Variants in PACRG observed in about 807,000 individuals in gnomAD.
PACRG encodes parkin coregulated gene protein.
A neutral mutation model predicts 29.7 loss-of-function variants in PACRG; 29 were observed. The observed-to-expected ratio is 0.98, with a 90% CI of 0.73 to 1.33. PACRG has a LOEUF of 1.33. Among genes scored for constraint, PACRG ranks in the 40% most tolerant of loss-of-function variants. The pLI is 0.00. For missense variants in PACRG, 279 were observed against 316.2 expected (o/e 0.88, Z 0.89); for synonymous variants, 116 against 118.7 (o/e 0.98, Z 0.15).
At chr6:163,076,562 T>C (rs149773716) in intron 3 of PACRG, among the ~76,000 whole-genome samples, 2 of 152,354 alleles carry the variant, frequency 1.3e-5, no homozygotes, top group East Asian at 3.9e-4. Context: ...TTAAATTCTT[T>C]GGCATGGCTT....
At chr6:162,763,108 A>G (rs1782504124) in intron 1 of PACRG, among the ~76,000 whole-genome samples, 1 of 152,240 alleles carries the variant, frequency 6.6e-6, no homozygotes, top group Admixed American at 6.5e-5. Context: ...TTTCAAATTT[A>G]CAATATCCAT....
At chr6:163,191,690 A>G (rs1017556493) in intron 4 of PACRG, 6 of 456,138 alleles carry the variant, frequency 1.3e-5, no homozygotes, top group African/African-American at 1.2e-4. Context: ...ATCTGTGCCT[A>G]TGCTCTTCCT....
intron 2 of PACRG, among the ~76,000 whole-genome samples, chr6:163,001,026 C>T (rs536411920): frequency 5.1e-4 from 77 of 152,196 alleles, no homozygotes; most frequent in Middle Eastern, 3.4e-3. Flanking sequence ...CCGGGAAGGC[C>T]GAAAGAGCCC....
At chr6:163,138,736 G>A (rs1817037639) in intron 4 of PACRG, among the ~76,000 whole-genome samples, 1 of 152,192 alleles carries the variant, frequency 6.6e-6, no homozygotes, top group Non-Finnish European at 1.5e-5. Context: ...CCTGGGGGTT[G>A]GAGACCCTGC....
In PACRG at chr6:163,269,918, GAAAGAAAGAAAACAA is replaced by G. The variant is rs1562349804; in HGVS notation, c.614-44907_614-44893del. 3.1e-5 allele frequency among the ~76,000 whole-genome samples: 2 copies of G among 64,280 alleles called. 1 individual carries two copies. The highest frequency in any genetic ancestry group is 1.7e-4 in the African/African-American group (2 of 11,438). The allele number at this position is 64,280 out of a possible 152,430, so 42.2% of individuals were successfully genotyped here. A position where few individuals can be genotyped will look rare whatever the true frequency, so the allele number is the denominator to read the frequency against. Reference sequence around the variant, plus strand: ...ACAAAGAAAGAAAGAAAGAAAGAAAGAAAGAAAGAAAACAAAGAAAGAAAGAAAGAAAGAAAGAAA... The same window carrying G: ...ACAAAGAAAGAAAGAAAGAAAGAAAGAGAAAGAAAGAAAGAAAGAAAGAAA... On this transcript the variant is annotated intron_variant, in intron 4 of 4. Transcript: ENST00000366888.
chr6:162,868,644 G>C (rs539387599), intron 2 of PACRG, among the ~76,000 whole-genome samples: 3 of 152,032 alleles, frequency 2.0e-5, no homozygotes, highest in Non-Finnish European at 4.4e-5. Flanking sequence ...GGGCGCACCC[G>C]AGCCGCCAGA....
At chr6:163,068,482 C>T (rs1744484133) in intron 3 of PACRG, among the ~76,000 whole-genome samples, 2 of 132,794 alleles carry the variant, frequency 1.5e-5, no homozygotes. Flanking sequence ...TACTTTAATG[C>T]TTTTTTTTTT....
At chr6:163,078,454 A>G (rs1812749382) in intron 3 of PACRG, among the ~76,000 whole-genome samples, 1 of 148,298 alleles carries the variant, frequency 6.7e-6, no homozygotes, top group South Asian at 2.4e-4. Flanking sequence ...AGTGAGCTGC[A>G]CTGCGCTCCA....
At chr6:162,837,529 T>A (rs1275482645) in intron 2 of PACRG, among the ~76,000 whole-genome samples, 2 of 152,182 alleles carry the variant, frequency 1.3e-5, no homozygotes, top group East Asian at 3.8e-4. Context: ...CTATTTCTTT[T>A]AAGCAAGAGC....
intron 2 of PACRG, among the ~76,000 whole-genome samples, chr6:162,906,107 GTCT>G: frequency 6.6e-6 from 1 of 152,222 alleles, no homozygotes; most frequent in East Asian, 1.9e-4. Context: ...TTTTACTATT[GTCT>G]TCTTCATGGA....
intron 3 of PACRG, among the ~76,000 whole-genome samples, chr6:163,080,737 A>G (rs1366160505): frequency 6.6e-6 from 1 of 152,232 alleles, no homozygotes; most frequent in Admixed American, 6.5e-5. Flanking sequence ...TCTATTGAAA[A>G]ATTGAAAAAG....
At chr6:163,085,481 A>C (rs1346270403) in intron 3 of PACRG, among the ~76,000 whole-genome samples, 1 of 152,100 alleles carries the variant, frequency 6.6e-6, no homozygotes, top group African/African-American at 2.4e-5. Context: ...TTTTGTATGC[A>C]CCTCCATACT....
At chr6:162,929,342 C>T (rs1797679178) in intron 2 of PACRG, among the ~76,000 whole-genome samples, 1 of 151,876 alleles carries the variant, frequency 6.6e-6, no homozygotes, top group African/African-American at 2.4e-5. Context: ...TTTGAATTTG[C>T]ATTTCTCTGA....
intron 4 of PACRG, among the ~76,000 whole-genome samples, chr6:163,311,596 G>T (rs900913438): frequency 6.6e-5 from 10 of 152,180 alleles, no homozygotes; most frequent in African/African-American, 2.4e-4. Context: ...ACCCCAAACC[G>T]TGCAGGGTCA....
chr6:162,853,052 G>T lies in PACRG; in HGVS notation c.291+38771G>T, dbSNP rs1791062430. 6.6e-6 allele frequency among the ~76,000 whole-genome samples: 1 copy of T among 152,216 alleles called. No homozygotes were observed. ...GCCTTGCAGCCAGAGACAGTGAACTGTCAGGTTTGGGATGGATGAGAGATT... is the reference window on the plus strand; with the variant it reads ...GCCTTGCAGCCAGAGACAGTGAACTTTCAGGTTTGGGATGGATGAGAGATT... On this transcript the variant is annotated intron_variant, in intron 2 of 4. Transcript: ENST00000366888. The surrounding 1 kb of genome is among the most constrained non-coding windows in gnomAD (Gnocchi z 4.7).
chr6:163,052,005 C>T (rs1810064221), intron 2 of PACRG: 1 of 152,208 alleles, frequency 6.6e-6, no homozygotes, highest in South Asian at 2.1e-4. Context: ...TGCTATATTA[C>T]ATGATTTTAG....
At chr6:163,254,908 T>A (rs1437597789) in intron 4 of PACRG, among the ~76,000 whole-genome samples, 5 of 152,256 alleles carry the variant, frequency 3.3e-5, no homozygotes, top group Non-Finnish European at 5.9e-5. Context: ...CTTTTCCTGG[T>A]GCCTCCTCAG....
chr6:163,111,682 C>T (rs1222422655), intron 4 of PACRG, among the ~76,000 whole-genome samples: 2 of 152,132 alleles, frequency 1.3e-5, no homozygotes, highest in Non-Finnish European at 2.9e-5. Context: ...ATAGAACATG[C>T]CTGTGATTCT....
intron 4 of PACRG, among the ~76,000 whole-genome samples, chr6:163,288,206 C>T (rs574898966): frequency 9.2e-5 from 14 of 152,162 alleles, no homozygotes; most frequent in Non-Finnish European, 1.8e-4. Flanking sequence ...GTGGGGCTGG[C>T]GTCTGATTCA....
Sources: gnomAD v4.1 joint callset for allele counts (sites outside exome capture counted in the v4.1 genomes callset) on GRCh38, gnomAD v4.1.1 for gene constraint, Gnocchi (gnomAD v3.1) non-coding constraint, MANE v1.5 for transcripts, NCBI Gene and HGNC (gene_info 2026-07-23, HGNC 2026-07-21) for gene names.